The following FAM193A variants were observed in gnomAD, a reference collection of about 807,000 sequenced individuals.
FAM193A encodes protein FAM193A.
FAM193A carries 22 observed loss-of-function variants against 126.5 expected under a neutral mutation model. The ratio of observed to expected loss-of-function variants is 0.17; its 90% CI spans 0.12 to 0.25. The LOEUF (loss-of-function observed/expected upper bound fraction) is 0.25, where lower values mean the gene tolerates loss of function less well. FAM193A is among the 10% of genes least tolerant of loss of function. The probability of loss-of-function intolerance (pLI) is 1.00; values close to 1 mark genes in which losing one functional copy is unlikely to be tolerated. For missense variants in FAM193A, 1,675 were observed against 1,672.8 expected (o/e 1.00, Z -0.02); for synonymous variants, 761 against 646.8 (o/e 1.18, Z -2.68).
intron 2 of FAM193A, among the ~76,000 whole-genome samples, chr4:2,611,658 A>G: frequency 6.6e-6 from 1 of 152,212 alleles, no homozygotes; most frequent in East Asian, 1.9e-4. Context: ...GTGGCTGTTC[A>G]GATCTTCTGC....
intron 2 of FAM193A, among the ~76,000 whole-genome samples, chr4:2,605,184 C>T (rs1017278807): frequency 6.6e-6 from 1 of 152,052 alleles, no homozygotes; most frequent in Non-Finnish European, 1.5e-5. Context: ...GTAATTTCTG[C>T]TACCATGCAG....
At chr4:2,731,533 C>A (rs1453493008) in intron 20 of FAM193A, among the ~76,000 whole-genome samples, 1 of 152,024 alleles carries the variant, frequency 6.6e-6, no homozygotes, top group East Asian at 1.9e-4. Context: ...TTAAACGTTT[C>A]TTTTCTTTCT....
intron 1 of FAM193A, among the ~76,000 whole-genome samples, chr4:2,558,032 G>T (rs1208051196): frequency 1.3e-5 from 2 of 152,222 alleles, no homozygotes; most frequent in South Asian, 2.1e-4. Flanking sequence ...CAGCACTTTG[G>T]GAGGCCGAGG....
chr4:2,715,899 T>C (rs1719484526), intron 19 of FAM193A, 124 bp from the exon 20 acceptor site: 2 of 711,112 alleles, frequency 2.8e-6, no homozygotes, highest in African/African-American at 1.8e-5. Flanking sequence ...TAAAATCTCA[T>C]TTTAGAAAAA....
At chr4:2,642,353 G>A (rs2109035645) in intron 6 of FAM193A, among the ~76,000 whole-genome samples, 1 of 152,216 alleles carries the variant, frequency 6.6e-6, no homozygotes, top group Admixed American at 6.5e-5. Context: ...CGTGTGGCCA[G>A]CTGGCAGGTG....
At chr4:2,593,003 G>T (rs1020909876) in intron 1 of FAM193A, among the ~76,000 whole-genome samples, 6 of 152,244 alleles carry the variant, frequency 3.9e-5, no homozygotes, top group African/African-American at 1.4e-4. Flanking sequence ...TGGGTAAGAG[G>T]AAAGGCGTTC....
intron 17 of FAM193A, 41 bp from the exon 18 acceptor site, chr4:2,696,322 A>G: frequency 7.1e-7 from 1 of 1,410,690 alleles, no homozygotes; most frequent in Non-Finnish European, 9.8e-7. Flanking sequence ...ATTATATTCA[A>G]AATTTTTAAA....
chr4:2,692,945 G>C (rs1009508053), intron 15 of FAM193A, among the ~76,000 whole-genome samples: 1 of 152,182 alleles, frequency 6.6e-6, no homozygotes, highest in Non-Finnish European at 1.5e-5. Flanking sequence ...GCTCACACCT[G>C]TAGTCCCAGC....
chr4:2,696,654 C>G, intron 18 of FAM193A, 61 bp downstream of exon 18: 1 of 1,311,124 alleles, frequency 7.6e-7, no homozygotes, highest in Non-Finnish European at 1.1e-6. Context: ...AGGTGCCGTG[C>G]CACGCCAGTC....
chr4:2,654,442 C>T (rs542238630), intron 7 of FAM193A: 1 of 140,338 alleles, frequency 7.1e-6, no homozygotes, highest in South Asian at 2.3e-4. Flanking sequence ...GTTGCCCAGG[C>T]TGGAAGTTTG....
intron 13 of FAM193A, 68 bp from the exon 14 acceptor site, chr4:2,689,438 G>A: frequency 8.3e-7 from 1 of 1,201,992 alleles, no homozygotes; most frequent in African/African-American, 1.6e-5. Context: ...TCTGTCTGTA[G>A]TTTAACTACT....
At position 2,684,877 on chromosome 4, in the gene FAM193A, C is replaced by G. The variant is rs190888846; in HGVS notation, c.2332-4629C>G. 5.6e-4 allele frequency among the ~76,000 whole-genome samples: 86 copies of G among 152,312 alleles called. 2 individuals are homozygous for G. The highest frequency in any genetic ancestry group is 2.7e-3 in the East Asian group (14 of 5,190). On this transcript the variant is annotated intron_variant, in intron 13 of 20. Coordinates refer to ENST00000637812, the MANE Select transcript of FAM193A (RefSeq NM_001366318.2). ...AAGTAGCCCCTCTTACCTAGCAAGG[C>G]CCAGACCAGGGGGGAAGAACGGCCT...
intron 1 of FAM193A, among the ~76,000 whole-genome samples, chr4:2,543,118 C>T (rs181199476): frequency 1.4e-4 from 21 of 150,766 alleles, no homozygotes; most frequent in Admixed American, 9.3e-4. Flanking sequence ...AATGGAGTCT[C>T]GCTCTGTCAC....
At chr4:2,716,576 G>C (rs557485979) in intron 20 of FAM193A, among the ~76,000 whole-genome samples, 1 of 152,318 alleles carries the variant, frequency 6.6e-6, no homozygotes, top group Admixed American at 6.5e-5. Flanking sequence ...GAGAAGAAAA[G>C]TAACATTTTA....
chr4:2,712,357 C>G (rs538272967), intron 19 of FAM193A, among the ~76,000 whole-genome samples: 24 of 152,282 alleles, frequency 1.6e-4, no homozygotes, highest in Non-Finnish European at 3.4e-4. Flanking sequence ...TGTTTTCTTG[C>G]ATCTCCTGTT....
At chr4:2,730,691 AG>A (rs1333555867) in intron 20 of FAM193A, among the ~76,000 whole-genome samples, 1 of 151,076 alleles carries the variant, frequency 6.6e-6, no homozygotes, top group Non-Finnish European at 1.5e-5. Flanking sequence ...CTCCGTGTCA[AG>A]AAAAAAAAAA....
intron 1 of FAM193A, among the ~76,000 whole-genome samples, chr4:2,545,902 C>T (rs1578564506): frequency 1.3e-5 from 2 of 152,278 alleles, no homozygotes; most frequent in African/African-American, 4.8e-5. Context: ...GTTATCCCAG[C>T]ACTTTGGGAG....
chr4:2,565,961 A>G (rs558545310), intron 1 of FAM193A, among the ~76,000 whole-genome samples: 2 of 152,330 alleles, frequency 1.3e-5, no homozygotes, highest in South Asian at 2.1e-4. Flanking sequence ...GTAGAAAGCT[A>G]TCTAGCAAAT....
chr4:2,726,075 AT>A (rs1720716612), intron 20 of FAM193A, among the ~76,000 whole-genome samples: 1 of 151,470 alleles, frequency 6.6e-6, no homozygotes, highest in Non-Finnish European at 1.5e-5. Flanking sequence ...TTTTTTTTGT[AT>A]TTTTAGTAGA....
Sources: allele counts gnomAD v4.1 joint callset (sites outside exome capture counted in the v4.1 genomes callset), GRCh38; gene constraint gnomAD v4.1.1; transcripts MANE v1.5; gene names NCBI Gene and HGNC (gene_info 2026-07-23, HGNC 2026-07-21).